Variants in ARHGAP42 observed in about 807,000 individuals in gnomAD.
ARHGAP42 encodes Rho GTPase activating protein 42, also known as rho GTPase-activating protein 42.
ARHGAP42 carries 63 observed loss-of-function variants against 125.0 expected under a neutral mutation model. That is an observed-to-expected ratio of 0.50 (90% CI 0.41 to 0.62). The LOEUF is 0.62. Ranked by LOEUF, ARHGAP42 falls within the 20% of genes least tolerant of loss-of-function variation. ARHGAP42 has a pLI of 0.00. For missense variants in ARHGAP42, 766 were observed against 1,024.2 expected (o/e 0.75, Z 3.44); for synonymous variants, 339 against 351.0 (o/e 0.97, Z 0.38).
At chr11:100,967,969 G>A (rs746580233) in intron 17 of ARHGAP42, among the ~76,000 whole-genome samples, 5 of 152,038 alleles carry the variant, frequency 3.3e-5, no homozygotes, top group African/African-American at 7.2e-5. Context: ...TGATGCACCC[G>A]CCTCAACATC....
chr11:100,869,081 C>T (rs1346233909), intron 4 of ARHGAP42, among the ~76,000 whole-genome samples: 3 of 151,802 alleles, frequency 2.0e-5, no homozygotes, highest in East Asian at 1.9e-4. Flanking sequence ...AAAATCAGCA[C>T]GGAGACAACA....
intron 4 of ARHGAP42, among the ~76,000 whole-genome samples, chr11:100,868,076 C>T (rs1865614528): frequency 6.6e-6 from 1 of 152,052 alleles, no homozygotes; most frequent in African/African-American, 2.4e-5. Context: ...TGCAGATCAC[C>T]ATGACAAATA....
chr11:100,688,735 A>G (rs1435622735), intron 1 of ARHGAP42, among the ~76,000 whole-genome samples: 1 of 152,040 alleles, frequency 6.6e-6, no homozygotes, highest in African/African-American at 2.4e-5. Flanking sequence ...ATTTTTATTT[A>G]TTTATGTATT....
At chr11:100,946,872 A>G (rs1007019808) in intron 10 of ARHGAP42, among the ~76,000 whole-genome samples, 3 of 152,022 alleles carry the variant, frequency 2.0e-5, no homozygotes, top group African/African-American at 7.2e-5. Context: ...TGCAGAACAC[A>G]GGGTTGACAC....
chr11:100,724,606 A>G (rs964506027), intron 1 of ARHGAP42, among the ~76,000 whole-genome samples: 3 of 151,912 alleles, frequency 2.0e-5, no homozygotes, highest in African/African-American at 7.2e-5. Flanking sequence ...AGAGTTGTTT[A>G]TAGTATTTCT....
chr11:100,988,626 A>C, intron 23 of ARHGAP42, 87 bp from the exon 24 acceptor site: 1 of 1,099,352 alleles, frequency 9.1e-7, no homozygotes, highest in East Asian at 2.6e-5. Flanking sequence ...AGGACTGACA[A>C]TCCGATGTGG....
intron 15 of ARHGAP42, 114 bp from the exon 16 acceptor site, chr11:100,962,295 A>T: frequency 1.2e-6 from 1 of 845,968 alleles, no homozygotes; most frequent in South Asian, 1.9e-5. Context: ...TTTATGTGTT[A>T]TTTTATTTTT....
At chr11:100,943,684 A>G in intron 9 of ARHGAP42, 75 bp from the exon 10 acceptor site, 1 of 1,025,490 alleles carries the variant, frequency 9.8e-7, no homozygotes, top group South Asian at 1.6e-5. Context: ...TAATGTGGCA[A>G]CTTGAGCTCA....
At chr11:100,726,767 G>C (rs1435135995) in intron 1 of ARHGAP42, among the ~76,000 whole-genome samples, 1 of 152,220 alleles carries the variant, frequency 6.6e-6, no homozygotes, top group African/African-American at 2.4e-5. Context: ...GTTGCCATCT[G>C]AGTTGTGGAG....
intron 4 of ARHGAP42, among the ~76,000 whole-genome samples, chr11:100,901,432 C>G (rs974185423): frequency 3.9e-5 from 6 of 152,242 alleles, no homozygotes; most frequent in Admixed American, 2.0e-4. Flanking sequence ...GGGAGAACCA[C>G]TGCTCTCTTC....
chr11:100,771,923 G>A (rs952342837), intron 2 of ARHGAP42, among the ~76,000 whole-genome samples: 3 of 152,062 alleles, frequency 2.0e-5, no homozygotes, highest in African/African-American at 7.2e-5. Context: ...GCAGGTCTTG[G>A]GTTGCGTGTA....
At chr11:100,923,959 T>C (rs1339790552) in intron 6 of ARHGAP42, among the ~76,000 whole-genome samples, 1 of 152,166 alleles carries the variant, frequency 6.6e-6, no homozygotes, top group African/African-American at 2.4e-5. Flanking sequence ...ATCTTTAGGT[T>C]ATGCATTTAC....
At chr11:100,957,534 GTGCACTAACTC>G (rs1436030371) in intron 12 of ARHGAP42, among the ~76,000 whole-genome samples, 1 of 152,044 alleles carries the variant, frequency 6.6e-6, no homozygotes, top group Non-Finnish European at 1.5e-5. Context: ...AAACAAAGCT[GTGCACTAACTC>G]TGCACCATGA....
intron 3 of ARHGAP42, among the ~76,000 whole-genome samples, chr11:100,813,733 C>T (rs188550922): frequency 3.3e-5 from 5 of 152,272 alleles, no homozygotes; most frequent in Admixed American, 2.0e-4. Flanking sequence ...TGTGTTAACT[C>T]AAACAATCCA....
At chr11:100,875,093 CTCTCTCTCTCTCTCTGTGTGTG>C (rs1247110271) in intron 4 of ARHGAP42, among the ~76,000 whole-genome samples, 6 of 95,920 alleles carry the variant, frequency 6.3e-5, no homozygotes, top group Admixed American at 1.2e-4. Context: ...CTCTCTCTCT[CTCTCTCTCTCTCTCTGTGTGTG>C]TGTGTGTGTG....
intron 1 of ARHGAP42, among the ~76,000 whole-genome samples, chr11:100,755,499 T>A (rs1670270582): frequency 1.3e-5 from 2 of 152,236 alleles, no homozygotes; most frequent in Admixed American, 6.5e-5. Context: ...ATTAGTACTA[T>A]CTTGTTCATT....
At chr11:100,814,361 C>CAAAAAAAAA (rs11351569) in intron 3 of ARHGAP42, among the ~76,000 whole-genome samples, 1 of 109,858 alleles carries the variant, frequency 9.1e-6, no homozygotes, top group Non-Finnish European at 1.9e-5. Flanking sequence ...GACTCCGTCT[C>CAAAAAAAAA]AAAAAAAAAA....
chr11:100,768,984 A>G (rs574822677), intron 1 of ARHGAP42, among the ~76,000 whole-genome samples: 111 of 152,318 alleles, frequency 7.3e-4, no homozygotes, highest in African/African-American at 2.6e-3. Flanking sequence ...CCTAGATGGT[A>G]TAGCCTACTA....
chr11:100,795,467 A>C (rs1863687911), intron 3 of ARHGAP42, among the ~76,000 whole-genome samples: 1 of 152,214 alleles, frequency 6.6e-6, no homozygotes, highest in African/African-American at 2.4e-5. Flanking sequence ...ATTCTAATTC[A>C]GCAAACATTT....
Sources: allele counts gnomAD v4.1 joint callset (sites outside exome capture counted in the v4.1 genomes callset), GRCh38; gene constraint gnomAD v4.1.1; transcripts MANE v1.5; gene names NCBI Gene and HGNC (gene_info 2026-07-23, HGNC 2026-07-21).